The following ZNF616 variants were observed in gnomAD, a reference collection of about 807,000 sequenced individuals.
The protein encoded by ZNF616 is zinc finger protein 616.
A neutral mutation model predicts 7.6 loss-of-function variants in ZNF616; 5 were observed. That is an observed-to-expected ratio of 0.66 (90% CI 0.34 to 1.38). The LOEUF is 1.38. Ranked by LOEUF, ZNF616 falls within the 40% of genes most tolerant of loss-of-function variation. The pLI, the probability that ZNF616 is intolerant of heterozygous loss-of-function variation, is 0.04. For synonymous variants in ZNF616, 319 were observed against 317.2 expected (o/e 1.01, Z -0.06); for missense variants, 913 against 948.3 (o/e 0.96, Z 0.49).
chr19:52,115,888 C>T lies in ZNF616; in HGVS notation c.1276G>A (p.Val426Met). 1 of 1,614,088 alleles carries T rather than the reference C, an allele frequency of 6.2e-7. No individual in the cohort carries two copies. Among genetic ancestry groups the T allele is most frequent in the Non-Finnish European group, 8.5e-7 (1 of 1,180,004 alleles). The change falls in exon 4 of 4, where the codon GTG (valine) becomes ATG (methionine). Residue 426 changes from valine (V) to methionine (M), a missense_variant. Physicochemically the swap from Val to Met is conservative, Grantham distance 21. Transcript: ENST00000600228. The stretch of plus-strand genomic sequence containing the variant: ...TGTCCAGTATGAATTCTCTGATGCA[C>T]TGCAAGACTTGAACGTTTACTGAAG... ...KVFSKRSSLA[V>M]HQRIHTGQKT...
chr19:52,115,450 T>C lies in ZNF616; in HGVS notation c.1714A>G (p.Ser572Gly). Residue 572 changes from serine to glycine, a missense_variant, in exon 4 of 4, where the codon AGT becomes GGT. Transcript: ENST00000600228. ...SRLTVHRRIH[S>G]GEKPYKCNEC... The stretch of plus-strand genomic sequence containing the variant: ...TTGCATTTGTAAGGTTTCTCTCCAC[T>C]ATGAATTCTCCGATGCACTGTAAGA... 1 of 1,614,092 alleles carries C rather than the reference T, an allele frequency of 6.2e-7. No homozygotes were observed. The highest frequency in any genetic ancestry group is 8.5e-7 in the Non-Finnish European group (1 of 1,180,026).
At chr19:52,132,635 C>T (rs929280382) in intron 1 of ZNF616, among the ~76,000 whole-genome samples, 1 of 152,170 alleles carries the variant, frequency 6.6e-6, no homozygotes, top group East Asian at 1.9e-4. Flanking sequence ...TCTCTTGCTC[C>T]TGCTCCCGCC....
intron 1 of ZNF616, among the ~76,000 whole-genome samples, chr19:52,131,947 A>G (rs530476792): frequency 8.1e-4 from 124 of 152,236 alleles, no homozygotes; most frequent in Non-Finnish European, 1.5e-3. Context: ...GGAATAGGAA[A>G]GAGGCCTGTG....
At position 52,114,987 on chromosome 19, in the gene ZNF616, A is replaced by G. The variant is rs2088804310; in HGVS notation, c.2177T>C (p.Phe726Ser). ...RYKCIECGKA[F>S]GRLFSLSKHQ... ...TTTGCTGAGGGAAAACAACCGCCCA[A>G]AGGCTTTGCCACATTCAATACATTT... Residue 726 changes from phenylalanine (F) to serine (S), a missense_variant, in exon 4 of 4, where the codon TTT (phenylalanine) becomes TCT (serine). Transcript: ENST00000600228. 3.1e-6 allele frequency: 5 copies of G among 1,614,184 alleles called. No homozygotes were observed. Among genetic ancestry groups the G allele is most frequent in the Non-Finnish European group, 4.2e-6 (5 of 1,180,022 alleles).
chr19:52,120,481 G>A (rs1205383634), intron 3 of ZNF616, among the ~76,000 whole-genome samples: 2 of 152,138 alleles, frequency 1.3e-5, no homozygotes, highest in Non-Finnish European at 2.9e-5. Flanking sequence ...ATTACATTAA[G>A]TGTAAGTGGC....
At chr19:52,133,447 G>A (rs1309006317) in intron 1 of ZNF616, among the ~76,000 whole-genome samples, 1 of 152,146 alleles carries the variant, frequency 6.6e-6, no homozygotes, top group Non-Finnish European at 1.5e-5. Flanking sequence ...GGGTACACGT[G>A]CAGGAGGTGC....
Position 52,115,463 on chromosome 19 carries a change from A to G in ZNF616, c.1701T>C (p.His567=), listed in dbSNP as rs769612670. The change falls in exon 4 of 4, where the codon CAT becomes CAC. Residue 567 remains histidine, a synonymous_variant. Transcript: ENST00000600228. The stretch of plus-strand genomic sequence containing the variant: ...GTTTCTCTCCACTATGAATTCTCCG[A>G]TGCACTGTAAGACGTGAACATTGAC... ...VFSQCSRLTV[H]RRIHSGEKPY... 2 of 1,614,172 alleles carry G rather than the reference A, an allele frequency of 1.2e-6. No homozygotes were observed. Among genetic ancestry groups the G allele is most frequent in the South Asian group, 2.2e-5 (2 of 91,082 alleles).
chr19:52,119,500 G>T (rs2088850507), intron 3 of ZNF616, among the ~76,000 whole-genome samples: 1 of 152,126 alleles, frequency 6.6e-6, no homozygotes, highest in African/African-American at 2.4e-5. Flanking sequence ...AAACTTATAT[G>T]CTAGTAAGTA....
At chr19:52,117,834 G>A (rs943235298) in intron 3 of ZNF616, among the ~76,000 whole-genome samples, 9 of 152,144 alleles carry the variant, frequency 5.9e-5, no homozygotes, top group African/African-American at 2.2e-4. Flanking sequence ...ACTTGGATGG[G>A]AGAAAGGTAA....
intron 2 of ZNF616, among the ~76,000 whole-genome samples, chr19:52,125,112 C>T (rs1363394995): frequency 4.6e-5 from 7 of 152,186 alleles, no homozygotes; most frequent in Admixed American, 4.6e-4. Context: ...ACTCAGACCA[C>T]AGCATTCCAT....
At chr19:52,117,412 C>A (rs2088835148) in intron 3 of ZNF616, among the ~76,000 whole-genome samples, 1 of 152,008 alleles carries the variant, frequency 6.6e-6, no homozygotes, top group Admixed American at 6.6e-5. Context: ...TTACTGTGTA[C>A]AAACAAATGC....
chr19:52,136,489 G>T (rs2089010028), intron 1 of ZNF616, among the ~76,000 whole-genome samples: 1 of 151,868 alleles, frequency 6.6e-6, no homozygotes, highest in South Asian at 2.1e-4. Flanking sequence ...ATATGAAAAG[G>T]TACTCAAGAT....
intron 2 of ZNF616, among the ~76,000 whole-genome samples, chr19:52,127,531 A>C (rs2088920408): frequency 6.6e-6 from 1 of 152,244 alleles, no homozygotes; most frequent in South Asian, 2.1e-4. Flanking sequence ...ATTCAAATTA[A>C]AGATTCAAGC....
chr19:52,121,272 C>T (rs574470597), intron 3 of ZNF616, among the ~76,000 whole-genome samples: 87 of 152,312 alleles, frequency 5.7e-4, no homozygotes, highest in African/African-American at 2.0e-3. Context: ...CCAGGCTGGT[C>T]TCAAACTCCT....
chr19:52,134,886 C>T (rs1410348200), intron 1 of ZNF616, among the ~76,000 whole-genome samples: 2 of 152,096 alleles, frequency 1.3e-5, no homozygotes, highest in South Asian at 2.1e-4. Context: ...AGCATTTTGC[C>T]TCGTAGCTCC....
At chr19:52,127,318 G>A (rs2088918271) in intron 2 of ZNF616, among the ~76,000 whole-genome samples, 1 of 152,166 alleles carries the variant, frequency 6.6e-6, no homozygotes, top group Admixed American at 6.5e-5. Context: ...GCCTCCCAAA[G>A]TGCCTGGATT....
chr19:52,116,470 T>G lies in ZNF616; in HGVS notation c.694A>C (p.Lys232Gln). 1 of 1,614,056 alleles carries G rather than the reference T, an allele frequency of 6.2e-7. No individual in the cohort carries two copies. Among genetic ancestry groups the G allele is most frequent in the Admixed American group, 1.7e-5 (1 of 60,002 alleles). Residue 232 changes from lysine to glutamine, a missense_variant, in exon 4 of 4, where the codon AAG (lysine) becomes CAG (glutamine). Coordinates refer to ENST00000600228, the MANE Select transcript of ZNF616 (RefSeq NM_178523.5). ...GATTTCCCTCTTGTATGGACTACCTTGTGTACAGTTAGTAGTGAGGCCCGA... is the reference window on the plus strand; with the variant it reads ...GATTTCCCTCTTGTATGGACTACCTGGTGTACAGTTAGTAGTGAGGCCCGA... ...FHRASLLTVHKVVHTRGKSYQ... is the reference protein window; with the variant it reads ...FHRASLLTVHQVVHTRGKSYQ...
intron 1 of ZNF616, among the ~76,000 whole-genome samples, chr19:52,136,406 G>A (rs539172315): frequency 2.5e-4 from 38 of 151,918 alleles, no homozygotes; most frequent in Non-Finnish European, 3.4e-4. Flanking sequence ...CTGAGATCAC[G>A]CCATTGCACT....
At position 52,113,819 on chromosome 19, in the gene ZNF616, C is replaced by A. The variant is rs1418478911; in HGVS notation, c.*999G>T. 6 of 149,640 alleles carry A rather than the reference C, an allele frequency of 4.0e-5. No homozygotes were observed. The highest frequency in any genetic ancestry group is 1.5e-4 in the African/African-American group (6 of 39,058). The allele number at this position is 149,640 out of a possible 1,614,324, so 9.3% of individuals were successfully genotyped here. ...ATTCCTTTCTATGGCTGCATAGTAT[C>A]CCATGGTGTATATGTACCACATTTT... On this transcript the variant is annotated 3_prime_UTR_variant, in exon 4 of 4. Transcript: ENST00000600228.
Sources: allele counts gnomAD v4.1 joint callset (sites outside exome capture counted in the v4.1 genomes callset), GRCh38; gene constraint gnomAD v4.1.1; transcripts MANE v1.5; gene names NCBI Gene and HGNC (gene_info 2026-07-23, HGNC 2026-07-21).